Variants in COL24A1 observed in about 807,000 individuals in gnomAD.
COL24A1 encodes collagen alpha-1(XXIV) chain.
Under a neutral mutation model 253.9 loss-of-function variants are expected in COL24A1, and 224 were observed. The observed-to-expected ratio is 0.88, with a 90% CI of 0.79 to 0.99. COL24A1 has a LOEUF of 0.99. Among genes scored for constraint, COL24A1 ranks in the 50% least tolerant of loss-of-function variants. The pLI is 0.00. For missense variants in COL24A1, 2,131 were observed against 2,068.5 expected (o/e 1.03, Z -0.59); for synonymous variants, 685 against 673.7 (o/e 1.02, Z -0.26).
chr1:85,868,084 G>C (rs1020403889), intron 37 of COL24A1, among the ~76,000 whole-genome samples: 2 of 152,106 alleles, frequency 1.3e-5, no homozygotes, highest in African/African-American at 4.8e-5. Flanking sequence ...GAGAGAATTT[G>C]TTCAAAATGA....
Position 86,092,451 on chromosome 1 carries a change from A to G in COL24A1, c.1600-131T>C, listed in dbSNP as rs76761423. ...AAATAAAATAATTTTACATTGAGAT[A>G]GGCATTGGTTATTTCATTTTTTAAT... On this transcript the variant is annotated intron_variant, in intron 5 of 59. Coordinates refer to ENST00000370571, the MANE Select transcript of COL24A1 (RefSeq NM_152890.7). 3.4e-5 allele frequency: 20 copies of G among 596,484 alleles called. No homozygotes were observed. The East Asian group carries it at 6.6e-4, about 20-fold the overall frequency. 36.9% of individuals were successfully genotyped at this position (596,484 alleles called of 1,614,324 possible).
chr1:85,799,784 AC>A (rs1184893160), intron 47 of COL24A1, among the ~76,000 whole-genome samples: 1 of 152,204 alleles, frequency 6.6e-6, no homozygotes, highest in East Asian at 1.9e-4. Flanking sequence ...TCAACACATG[AC>A]ATCCTAATAT....
chr1:85,739,035 T>C (rs1475386464), intron 57 of COL24A1, among the ~76,000 whole-genome samples: 3 of 152,180 alleles, frequency 2.0e-5, no homozygotes, highest in African/African-American at 4.8e-5. Flanking sequence ...CACTGATATA[T>C]TGAAATACAG....
intron 10 of COL24A1, among the ~76,000 whole-genome samples, chr1:86,055,962 A>C (rs1182391478): frequency 1.3e-5 from 2 of 152,056 alleles, no homozygotes; most frequent in East Asian, 3.9e-4. Context: ...TACTAAAAAT[A>C]CAAAAATTAG....
At position 85,998,816 on chromosome 1, in the gene COL24A1, G is replaced by T. The variant is rs147354682; in HGVS notation, c.2311-11162C>A. The stretch of plus-strand genomic sequence containing the variant: ...TTCCTCTTATGTAATGCAACCTACC[G>T]CATATGCAAGTATCATCTAGCCCTC... On this transcript the variant is annotated intron_variant, in intron 19 of 59. Coordinates refer to ENST00000370571, the MANE Select transcript of COL24A1 (RefSeq NM_152890.7). Among the ~76,000 whole-genome samples the T allele has an allele frequency of 6.6e-5, 10 of 152,268 alleles. No homozygotes were observed. The South Asian group carries it at 2.1e-3, about 32-fold the overall frequency.
In COL24A1 at chr1:86,063,039, T is replaced by C. The variant is rs74586776; in HGVS notation, c.1752+676A>G. 2.5e-3 allele frequency among the ~76,000 whole-genome samples: 375 copies of C among 152,182 alleles called. 10 individuals carry two copies. The East Asian group carries it at 0.046, about 19-fold the overall frequency. On this transcript the variant is annotated intron_variant, in intron 8 of 59. Transcript: ENST00000370571. ...TAATATCTTACCCTTTTCACTGTTA[T>C]ATTCATATTATATTTTCAATATAGT... is the stretch of plus-strand genomic sequence containing the variant.
intron 2 of COL24A1, among the ~76,000 whole-genome samples, chr1:86,139,321 A>G (rs1239383819): frequency 1.1e-4 from 16 of 152,168 alleles, no homozygotes; most frequent in Non-Finnish European, 2.4e-4. Flanking sequence ...CTCAGTGACT[A>G]TATCAATTGA....
intron 55 of COL24A1, among the ~76,000 whole-genome samples, chr1:85,747,271 A>T (rs1255937208): frequency 6.6e-6 from 1 of 151,330 alleles, no homozygotes; most frequent in Non-Finnish European, 1.5e-5. Context: ...GTGACAACAC[A>T]CCCAGCTAAT....
intron 22 of COL24A1, among the ~76,000 whole-genome samples, chr1:85,967,460 T>C (rs1691680086): frequency 6.6e-6 from 1 of 152,152 alleles, no homozygotes; most frequent in Admixed American, 6.6e-5. Context: ...GACATTCCTA[T>C]TGGGGCTATT....
intron 20 of COL24A1, among the ~76,000 whole-genome samples, chr1:85,974,185 C>G (rs1692439695): frequency 6.6e-6 from 1 of 151,750 alleles, no homozygotes; most frequent in Admixed American, 6.6e-5. Context: ...AGATAGAGAC[C>G]ACAAGAACAG....
chr1:86,092,325 A>G lies in COL24A1; in HGVS notation c.1600-5T>C, dbSNP rs1283650769. Reference sequence around the variant, plus strand: ...TCCTGGATCTCCTTTGGGGCCCTAAATAAAATAGTTATAAAACAGTTGGTG... The same window carrying G: ...TCCTGGATCTCCTTTGGGGCCCTAAGTAAAATAGTTATAAAACAGTTGGTG... On this transcript the variant is annotated splice_region_variant and splice_polypyrimidine_tract_variant and intron_variant, in intron 5 of 59. Transcript: ENST00000370571. The G allele has an allele frequency of 6.2e-7, 1 of 1,601,076 alleles. No individual in the cohort carries two copies. The highest frequency in any genetic ancestry group is 1.7e-5 in the Admixed American group (1 of 59,178).
chr1:85,841,198 G>A (rs1172128688), intron 42 of COL24A1, 24 bp downstream of exon 42: 1 of 1,555,220 alleles, frequency 6.4e-7, no homozygotes. Context: ...TGAATAACCA[G>A]AATTATTTCA....
chr1:86,154,180 A>G (rs1367017729), intron 1 of COL24A1: 1 of 139,722 alleles, frequency 7.2e-6, no homozygotes, highest in African/African-American at 2.6e-5. Context: ...GGTTGGTGGC[A>G]TTATTTTTCA....
At chr1:85,980,033 T>C (rs1693091018) in intron 20 of COL24A1, among the ~76,000 whole-genome samples, 1 of 152,176 alleles carries the variant, frequency 6.6e-6, no homozygotes, top group Non-Finnish European at 1.5e-5. Context: ...TGGTTTAACA[T>C]ATGCAAGTCA....
intron 39 of COL24A1, among the ~76,000 whole-genome samples, chr1:85,842,655 T>C (rs1226108059): frequency 3.9e-5 from 6 of 152,134 alleles, no homozygotes; most frequent in African/African-American, 1.4e-4. Flanking sequence ...ATACTTTCAG[T>C]TGTCAGAATC....
chr1:85,891,024 T>C (rs1377319740), intron 31 of COL24A1, among the ~76,000 whole-genome samples: 3 of 152,010 alleles, frequency 2.0e-5, no homozygotes, highest in Non-Finnish European at 2.9e-5. Context: ...ATACATAACA[T>C]GTTGATCCTT....
intron 1 of COL24A1, 35 bp downstream of exon 1, chr1:86,156,306 T>TA: frequency 6.3e-7 from 1 of 1,599,144 alleles, no homozygotes; most frequent in South Asian, 1.1e-5. Context: ...GGGGTTGGTC[T>TA]AACCCCTACC....
chr1:85,925,641 T>A (rs1263907130), intron 24 of COL24A1, among the ~76,000 whole-genome samples: 1 of 152,118 alleles, frequency 6.6e-6, no homozygotes, highest in East Asian at 1.9e-4. Context: ...TGAAACTGGA[T>A]CCCTTCCTTA....
chr1:86,097,724 C>T (rs79210486), intron 5 of COL24A1, among the ~76,000 whole-genome samples: 18,848 of 150,956 alleles, frequency 0.12, 1,235 homozygotes, highest in Middle Eastern at 0.2. Context: ...CTCTGGAGTA[C>T]CCCCCATAAG....
Sources: allele counts gnomAD v4.1 joint callset (sites outside exome capture counted in the v4.1 genomes callset), GRCh38; gene constraint gnomAD v4.1.1; transcripts MANE v1.5; gene names NCBI Gene and HGNC (gene_info 2026-07-23, HGNC 2026-07-21).